Variants in EPPK1 observed in about 807,000 individuals in gnomAD.
The protein encoded by EPPK1 is epiplakin.
For missense variants in EPPK1, 3,823 were observed against 3,673.3 expected, an observed-to-expected ratio of 1.04 and a Z score of -1.05; for synonymous variants, 1,862 against 1,721.2, an observed-to-expected ratio of 1.08 and a Z score of -2.03.
Position 143,867,409 on chromosome 8 carries a change from G to A in EPPK1, c.5845C>T (p.Leu1949Phe), listed in dbSNP as rs1554659464. 1 of 1,612,764 alleles carries A rather than the reference G, an allele frequency of 6.2e-7. No individual in the cohort carries two copies. Among genetic ancestry groups the A allele is most frequent in the African/African-American group, 1.3e-5 (1 of 74,940 alleles). Residue 1949 changes from leucine (L) to phenylalanine (F), a missense_variant, in exon 2 of 2, where the codon CTC becomes TTC. Coordinates refer to ENST00000615648, the MANE Select transcript of EPPK1 (RefSeq NM_031308.4). ...FLLDPCTRQK[L>F]SVDEAVDVGL... ...ACATCCACAGCCTCATCCACAGAGA[G>A]CTTCTGGCGGGTGCAGGGGTCCAGG...
At position 143,867,326 on chromosome 8, in the gene EPPK1, C is replaced by T. The variant is rs782248529; in HGVS notation, c.5928G>A (p.Thr1976=). The T allele has an allele frequency of 1.1e-5, 17 of 1,612,596 alleles. No homozygotes were observed. Among genetic ancestry groups the T allele is most frequent in the African/African-American group, 5.3e-5 (4 of 74,914 alleles). The change falls in exon 2 of 2, where the codon ACG becomes ACA. Residue 1976 remains threonine, a synonymous_variant. Coordinates refer to ENST00000615648, the MANE Select transcript of EPPK1 (RefSeq NM_031308.4). ...CTCCTGTGGCCGGATCCCTGTAGCCCGTGGCAGCTCTTTCAGCCTTCAGGA... is the reference window on the plus strand; with the variant it reads ...CTCCTGTGGCCGGATCCCTGTAGCCTGTGGCAGCTCTTTCAGCCTTCAGGA... The part of the protein sequence containing the change: ...ERLLKAERAA[T]GYRDPATGDT...
chr8:143,876,532 C>T (rs2130660698), intron 1 of EPPK1, among the ~76,000 whole-genome samples: 1 of 152,306 alleles, frequency 6.6e-6, no homozygotes, highest in East Asian at 1.9e-4. Context: ...CCTGCTTCCT[C>T]CTCCCTTCCC....
chr8:143,873,016 C>G lies in EPPK1; in HGVS notation c.238G>C (p.Ala80Pro), dbSNP rs372364215. ...LGQALLEAQA[A>P]TGGLVDLARG... ...GCGAGGTCCACCAGGCCCCCAGTGG[C>G]TGCCTGGGCCTCTAGCAGAGCCTGC... Residue 80 changes from alanine to proline, a missense_variant, in exon 2 of 2, where the codon GCC (alanine) becomes CCC (proline). Ala to Pro is a conservative substitution (Grantham distance 27). Transcript: ENST00000615648. 28 of 1,573,088 alleles carry G rather than the reference C, an allele frequency of 1.8e-5. No homozygotes were observed. In the African/African-American group the frequency reaches 3.4e-4, roughly 19 times the overall value.
rs1819327251 is a variant in EPPK1 at position 143,870,995 on chromosome 8, C to T, written c.2259G>A (p.Leu753=). The T allele has an allele frequency of 6.2e-7, 1 of 1,613,268 alleles. No individual in the cohort carries two copies. The highest frequency in any genetic ancestry group is 8.5e-7 in the Non-Finnish European group (1 of 1,180,018). The part of the protein sequence containing the change: ...AYRRGYFDQM[L]NLILLDPSDD... The stretch of plus-strand genomic sequence containing the variant: ...CAGAAGGGTCCAACAGGATCAAGTT[C>T]AGCATCTGATCGAAGTAGCCGCGCC... The change falls in exon 2 of 2, where the codon CTG becomes CTA. Residue 753 remains leucine (L), a synonymous_variant. Coordinates refer to ENST00000615648, the MANE Select transcript of EPPK1 (RefSeq NM_031308.4). This position sits in a 1 kb window ranked among gnomAD's most constrained non-coding sequence, Gnocchi z 5.2.
rs782392142 is a variant in EPPK1 at position 143,871,362 on chromosome 8, C to CGCCGGGCCGG, written c.1891_1892insCCGGCCCGGC (p.Cys631SerfsTer38). On this transcript the variant is annotated frameshift_variant, in exon 2 of 2. Transcript: ENST00000615648. LOFTEE classifies it low-confidence loss of function (END_TRUNC). The stretch of plus-strand genomic sequence containing the variant: ...AGTGCCGGGCCGGAGGAGCCCCTTG[C>CGCCGGGCCGG]ATCGGGCCTCATAGATGCTCAGGCG... 2 of 1,608,588 alleles carry CGCCGGGCCGG rather than the reference C, an allele frequency of 1.2e-6. No homozygotes were observed. Among genetic ancestry groups the CGCCGGGCCGG allele is most frequent in the South Asian group, 2.2e-5 (2 of 90,304 alleles).
intron 1 of EPPK1, among the ~76,000 whole-genome samples, chr8:143,876,065 C>A (rs750728243): frequency 6.6e-6 from 1 of 152,194 alleles, no homozygotes; most frequent in East Asian, 1.9e-4. Flanking sequence ...GGGGACACAG[C>A]TAGTGTCACC....
chr8:143,878,289 G>C (rs1219097436), intron 1 of EPPK1, 149 bp downstream of exon 1: 1 of 149,610 alleles, frequency 6.7e-6, no homozygotes, highest in African/African-American at 2.5e-5. Flanking sequence ...CCCTGGCCTC[G>C]GCGTGCGGCT....
rs782814100 is a variant in EPPK1 at position 143,868,832 on chromosome 8, G to C, written c.4422C>G (p.Leu1474=). 9.3e-6 allele frequency: 15 copies of C among 1,606,898 alleles called. No individual in the cohort carries two copies. Among genetic ancestry groups the C allele is most frequent in the Non-Finnish European group, 1.3e-5 (15 of 1,179,624 alleles). ...GCTTGTCAGCGCCAACGTATTCGGA[G>C]AGCAGCAGGTCCCAGAGTGACACGC... ...GCSVSLWDLL[L]SEYVGADKRR... is the part of the protein sequence containing the mutation. Residue 1474 remains leucine, a synonymous_variant, in exon 2 of 2, where the codon CTC becomes CTG. Coordinates refer to ENST00000615648, the MANE Select transcript of EPPK1 (RefSeq NM_031308.4).
Position 143,867,592 on chromosome 8 carries a change from A to T in EPPK1, c.5662T>A (p.Cys1888Ser). Residue 1888 changes from cysteine (C) to serine (S), a missense_variant, in exon 2 of 2, where the codon TGT (cysteine) becomes AGT (serine). Cys to Ser is a moderately radical substitution (Grantham distance 112). Transcript: ENST00000615648. Reference protein sequence around the residue: ...TGGQALSTLECVKPYLEGSGC... With the variant: ...TGGQALSTLESVKPYLEGSGC... ...CTGCCTTCCAGATAGGGCTTCACAC[A>T]CTCCAGCGTGCTGAGTGCCTGTCCC... The T allele has an allele frequency of 1.2e-6, 2 of 1,612,702 alleles. No individual in the cohort carries two copies. Among genetic ancestry groups the T allele is most frequent in the East Asian group, 2.2e-5 (1 of 44,868 alleles).
chr8:143,857,896 C>T lies in EPPK1; in HGVS notation c.*91G>A. On this transcript the variant is annotated 3_prime_UTR_variant, in exon 2 of 2. Transcript: ENST00000615648. ...GTAAAACAACAAAATTAAAGAATGA[C>T]AAAAAAAAAAAAAAAAAAAAAAACA... 2 of 432,136 alleles carry T rather than the reference C, an allele frequency of 4.6e-6. No individual in the cohort carries two copies. The highest frequency in any genetic ancestry group is 7.2e-6 in the Non-Finnish European group (2 of 279,372). 26.8% of individuals were successfully genotyped at this position (432,136 alleles called of 1,614,324 possible).
rs1819107929 is a variant in EPPK1 at position 143,866,406 on chromosome 8, ACCGACAGCC to A, written c.6839_6847del (p.Arg2280_Val2283delinsMet). The A allele has an allele frequency of 8.8e-7, 1 of 1,141,060 alleles. No homozygotes were observed. Among genetic ancestry groups the A allele is most frequent in the African/African-American group, 1.8e-5 (1 of 57,086 alleles). The allele number at this position is 1,141,060 out of a possible 1,614,324, so 70.7% of individuals were successfully genotyped here. A position where few individuals can be genotyped will look rare whatever the true frequency, so the allele number is the denominator to read the frequency against. On this transcript the variant is annotated inframe_deletion, in exon 2 of 2. Coordinates refer to ENST00000615648, the MANE Select transcript of EPPK1 (RefSeq NM_031308.4). ...CACGCCCGCGGCCACGGCCTCCTCCACCGACAGCCTCAGGTTGCGCACGGGGTCGATGAC... is the reference window on the plus strand; with the variant it reads ...CACGCCCGCGGCCACGGCCTCCTCCATCAGGTTGCGCACGGGGTCGATGAC...
Position 143,867,732 on chromosome 8 carries a change from T to C in EPPK1, c.5522A>G (p.Gln1841Arg). 1 of 1,613,794 alleles carries C rather than the reference T, an allele frequency of 6.2e-7. No individual in the cohort carries two copies. Among genetic ancestry groups the C allele is most frequent in the Non-Finnish European group, 8.5e-7 (1 of 1,179,874 alleles). ...ITTTIEETET[Q>R]NQGIKVAAIR... is the part of the protein sequence containing the mutation. ...GGCCGCCACTTTGATGCCTTGGTTT[T>C]GCGTCTCTGTTTCTTCAATTGTCGT... The change falls in exon 2 of 2, where the codon CAA (glutamine) becomes CGA (arginine). Residue 1841 changes from glutamine to arginine, a missense_variant. By Grantham distance (43) the Gln-to-Arg change is conservative. Transcript: ENST00000615648.
chr8:143,873,367 A>C (rs1819420242), intron 1 of EPPK1, 69 bp from the exon 2 acceptor site: 4 of 1,172,822 alleles, frequency 3.4e-6, no homozygotes, highest in Non-Finnish European at 4.6e-6. Context: ...AGATGCGGTC[A>C]TGGGGCAATC....
rs782246286 is a variant in EPPK1 at position 143,870,862 on chromosome 8, G to A, written c.2392C>T (p.Leu798Phe). Residue 798 changes from leucine to phenylalanine, a missense_variant, in exon 2 of 2, where the codon CTC becomes TTC. By Grantham distance (22) the Leu-to-Phe change is conservative. Coordinates refer to ENST00000615648, the MANE Select transcript of EPPK1 (RefSeq NM_031308.4). This position sits in a 1 kb window ranked among gnomAD's most constrained non-coding sequence, Gnocchi z 5.2. ...ACCAGCGGGGACTGCGTGCTGCTGA[G>A]TGGCAGGAGGTACAGGCCCGTCTCG... ...DPETGLYLLPLSSTQSPLVDS... is the reference protein window; with the variant it reads ...DPETGLYLLPFSSTQSPLVDS... The A allele has an allele frequency of 5.6e-6, 9 of 1,612,838 alleles. No homozygotes were observed. The highest frequency in any genetic ancestry group is 4.0e-5 in the African/African-American group (3 of 74,934).
rs1446774436 is a variant in EPPK1 at position 143,859,532 on chromosome 8, G to A, written c.13722C>T (p.Arg4574=). Residue 4574 remains arginine (R), a synonymous_variant, in exon 2 of 2, where the codon CGC becomes CGT. Coordinates refer to ENST00000615648, the MANE Select transcript of EPPK1 (RefSeq NM_031308.4). Reference sequence around the variant, plus strand: ...GGAGGGCGCCCGAGCCTGGCATCACGCGGGCGTCGCGCAGGGCACAGCGCA... The same window carrying A: ...GGAGGGCGCCCGAGCCTGGCATCACACGGGCGTCGCGCAGGGCACAGCGCA... ...EELRCALRDA[R]VMPGSGALQG... 3.2e-5 allele frequency: 13 copies of A among 405,136 alleles called. 4 individuals carry two copies. Among genetic ancestry groups the A allele is most frequent in the East Asian group, 6.6e-5 (2 of 30,506 alleles). 25.1% of individuals were successfully genotyped at this position (405,136 alleles called of 1,614,324 possible).
Position 143,858,033 on chromosome 8 carries a change from A to G in EPPK1, c.15221T>C (p.Leu5074Pro). ...AAATAGGAGCCCCGTCTCAGGGTCC[A>G]GGGTGGCCCTCTGCAGAAGCTGCAG... ...TYLQLLQRATLDPETGLLFLS... is the reference protein window; with the variant it reads ...TYLQLLQRATPDPETGLLFLS... The change falls in exon 2 of 2, where the codon CTG becomes CCG. Residue 5074 changes from leucine to proline, a missense_variant. Leu to Pro is a moderately conservative substitution (Grantham distance 98). Transcript: ENST00000615648. 3 of 1,612,954 alleles carry G rather than the reference A, an allele frequency of 1.9e-6. No individual in the cohort carries two copies. In the South Asian group the frequency reaches 3.3e-5, roughly 18 times the overall value.
In EPPK1 at chr8:143,869,829, G is replaced by A. The variant is rs1819276869; in HGVS notation, c.3425C>T (p.Thr1142Ile). The change falls in exon 2 of 2, where the codon ACA becomes ATA. Residue 1142 changes from threonine (T) to isoleucine (I), a missense_variant. Thr to Ile is a moderately conservative substitution (Grantham distance 89). Coordinates refer to ENST00000615648, the MANE Select transcript of EPPK1 (RefSeq NM_031308.4). Reference sequence around the variant, plus strand: ...GGAGCTGAGCAGGTCCCAGAGGGATGTGCCATCCTTGGCCCCCGGCACGGC... The same window carrying A: ...GGAGCTGAGCAGGTCCCAGAGGGATATGCCATCCTTGGCCCCCGGCACGGC... ...LQAVPGAKDG[T>I]SLWDLLSSCH... is the part of the protein sequence containing the mutation. 2 of 1,599,740 alleles carry A rather than the reference G, an allele frequency of 1.3e-6. No homozygotes were observed. Among genetic ancestry groups the A allele is most frequent in the African/African-American group, 2.7e-5 (2 of 74,640 alleles).
intron 1 of EPPK1, among the ~76,000 whole-genome samples, chr8:143,876,552 C>T (rs7008775): frequency 0.16 from 24,297 of 152,164 alleles, 2,145 homozygotes; most frequent in Non-Finnish European, 0.2. Flanking sequence ...CTTCCTGAGG[C>T]CATCCTGAGA....
At position 143,870,169 on chromosome 8, in the gene EPPK1, C is replaced by G; in HGVS notation, c.3085G>C (p.Gly1029Arg). Residue 1029 changes from glycine (G) to arginine (R), a missense_variant, in exon 2 of 2, where the codon GGT becomes CGT. By Grantham distance (125) the Gly-to-Arg change is moderately radical. Coordinates refer to ENST00000615648, the MANE Select transcript of EPPK1 (RefSeq NM_031308.4). The surrounding 1 kb of genome is among the most constrained non-coding windows in gnomAD (Gnocchi z 5.2). Reference sequence around the variant, plus strand: ...GCAGCTTGCTCCCAAGGGATGAGACCTTTCTTCATGGCCTGGAACACAGAC... The same window carrying G: ...GCAGCTTGCTCCCAAGGGATGAGACGTTTCTTCATGGCCTGGAACACAGAC... The part of the protein sequence containing the change: ...QVSVFQAMKK[G>R]LIPWEQAARL... 6.2e-7 allele frequency: 1 copy of G among 1,611,822 alleles called. No individual in the cohort carries two copies. Among genetic ancestry groups the G allele is most frequent in the East Asian group, 2.2e-5 (1 of 44,862 alleles).
Sources: allele counts gnomAD v4.1 joint callset (sites outside exome capture counted in the v4.1 genomes callset), GRCh38; gene constraint gnomAD v4.1.1; non-coding constraint Gnocchi (gnomAD v3.1); transcripts MANE v1.5; gene names NCBI Gene and HGNC (gene_info 2026-07-23, HGNC 2026-07-21).